TNFAIP2: variants seen among roughly 807,000 people sequenced by gnomAD.
TNFAIP2 encodes TNF alpha induced protein 2, also known as tumor necrosis factor alpha-induced protein 2.
TNFAIP2 carries 47 observed loss-of-function variants against 63.5 expected under a neutral mutation model. The ratio of observed to expected loss-of-function variants is 0.74; its 90% CI spans 0.59 to 0.94. TNFAIP2 has a LOEUF of 0.94. Ranked by LOEUF, TNFAIP2 falls within the 40% of genes least tolerant of loss-of-function variation. The probability of loss-of-function intolerance (pLI) is 0.00; values close to 1 mark genes in which losing one functional copy is unlikely to be tolerated. For synonymous variants in TNFAIP2, 405 were observed against 390.2 expected (o/e 1.04, Z -0.45); for missense variants, 787 against 850.2 (o/e 0.93, Z 0.92).
chr14:103,133,335 C>T (rs1595287342), intron 9 of TNFAIP2, 27 bp from the exon 10 acceptor site: 1 of 1,607,182 alleles, frequency 6.2e-7, no homozygotes, highest in East Asian at 2.2e-5. Flanking sequence ...AGACAGCTCA[C>T]ACGCCCCTGG....
At position 103,127,066 on chromosome 14, in the gene TNFAIP2, G is replaced by T; in HGVS notation, c.297G>T (p.Ala99=). ...TGGAGGCGGCGCGGCCGCTGCTGGC[G>T]CTGGAGCGGGAGCTGGCGGCGGCGG... ...GQLEAARPLL[A]LERELAAAAA... is the part of the protein sequence containing the mutation. The change falls in exon 3 of 12, where the codon GCG becomes GCT. Residue 99 remains alanine, a synonymous_variant. Transcript: ENST00000560869. This position sits in a 1 kb window ranked among gnomAD's most constrained non-coding sequence, Gnocchi z 5.1. 1 of 1,134,600 alleles carries T rather than the reference G, an allele frequency of 8.8e-7. No homozygotes were observed. The highest frequency in any genetic ancestry group is 3.4e-5 in the South Asian group (1 of 29,292). 70.3% of individuals were successfully genotyped at this position (1,134,600 alleles called of 1,614,324 possible).
upstream of TNFAIP2, among the ~76,000 whole-genome samples, chr14:103,121,505 G>A (rs116340637): frequency 5.0e-3 from 764 of 152,382 alleles, 10 homozygotes; most frequent in African/African-American, 0.018. Flanking sequence ...AGAGGGTAAG[G>A]ACTGCTCCTG....
chr14:103,126,299 C>A lies in TNFAIP2; in HGVS notation c.-148-11C>A. ...ATGGTGACCACTGATGCCTTCACCC[C>A]CACCCCGCAGGAGCCTGCAGGCCTG... On this transcript the variant is annotated splice_polypyrimidine_tract_variant and intron_variant, in intron 1 of 11. Transcript: ENST00000560869. The A allele has an allele frequency of 1.7e-6, 1 of 604,276 alleles. No individual in the cohort carries two copies. The highest frequency in any genetic ancestry group is 2.9e-6 in the Non-Finnish European group (1 of 339,204). The allele number at this position is 604,276 out of a possible 1,614,324, so 37.4% of individuals were successfully genotyped here. A position where few individuals can be genotyped will look rare whatever the true frequency, so the allele number is the denominator to read the frequency against.
chr14:103,134,115 A>C (rs2088047022), intron 11 of TNFAIP2, among the ~76,000 whole-genome samples: 1 of 152,238 alleles, frequency 6.6e-6, no homozygotes. Flanking sequence ...GAGACCAGAG[A>C]GGCCAGCTTC....
chr14:103,133,961 C>T lies in TNFAIP2; in HGVS notation c.1823+158C>T, dbSNP rs370682325. ...TCTTGTGGCCTTCACCACAGCACTA[C>T]GAGGACAATACTTCCCATTCCCGTT... is the stretch of plus-strand genomic sequence containing the variant. On this transcript the variant is annotated intron_variant, in intron 11 of 11. Coordinates refer to ENST00000560869, the MANE Select transcript of TNFAIP2 (RefSeq NM_006291.4). Among the ~76,000 whole-genome samples the T allele has an allele frequency of 1.8e-4, 27 of 152,350 alleles. No homozygotes were observed. The South Asian group carries it at 5.0e-3, about 28-fold the overall frequency.
intron 9 of TNFAIP2, 134 bp downstream of exon 9, chr14:103,133,006 A>G: frequency 1.4e-6 from 2 of 1,399,930 alleles, no homozygotes; most frequent in South Asian, 1.3e-5. Flanking sequence ...ATGCACGAGC[A>G]TGTGAACACG....
chr14:103,127,169 G>A lies in TNFAIP2; in HGVS notation c.400G>A (p.Asp134Asn), dbSNP rs1158505022. 1 of 1,120,054 alleles carries A rather than the reference G, an allele frequency of 8.9e-7. No individual in the cohort carries two copies. 69.4% of individuals were successfully genotyped at this position (1,120,054 alleles called of 1,614,324 possible). ...KVEALYELLR[D>N]QVLGVLRRPL... ...GGAGGCGCTGTACGAGCTGCTGCGCGACCAGGTGCTGGGCGTGCTGCGGCG... is the reference window on the plus strand; with the variant it reads ...GGAGGCGCTGTACGAGCTGCTGCGCAACCAGGTGCTGGGCGTGCTGCGGCG... The change falls in exon 3 of 12, where the codon GAC becomes AAC. Residue 134 changes from aspartate (D) to asparagine (N), a missense_variant. Asp to Asn is a conservative substitution (Grantham distance 23). Transcript: ENST00000560869. This position sits in a 1 kb window ranked among gnomAD's most constrained non-coding sequence, Gnocchi z 5.1.
chr14:103,131,704 G>T lies in TNFAIP2; in HGVS notation c.1364G>T (p.Gly455Val). The change falls in exon 8 of 12, where the codon GGT (glycine) becomes GTT (valine). Residue 455 changes from glycine to valine, a missense_variant. Transcript: ENST00000560869. The surrounding 1 kb of genome is among the most constrained non-coding windows in gnomAD (Gnocchi z 4.0). ...CTGAGCCTCCTGCTGGGCCCCCTGG[G>T]TGAGCTCAAGAGCCACGGCTTTGAC... ...DTLSLLLGPL[G>V]ELKSHGFDTL... 1 of 1,610,694 alleles carries T rather than the reference G, an allele frequency of 6.2e-7. No homozygotes were observed. Among genetic ancestry groups the T allele is most frequent in the Non-Finnish European group, 8.5e-7 (1 of 1,179,722 alleles).
intron 3 of TNFAIP2, among the ~76,000 whole-genome samples, chr14:103,129,412 A>G (rs940581639): frequency 6.6e-6 from 1 of 151,160 alleles, no homozygotes; most frequent in Non-Finnish European, 1.5e-5. Flanking sequence ...AGGCTTTTGC[A>G]GTGAGCCAGC....
At position 103,127,033 on chromosome 14, in the gene TNFAIP2, CG is replaced by C; in HGVS notation, c.267del (p.Gln90SerfsTer24). 1 of 1,171,192 alleles carries C rather than the reference CG, an allele frequency of 8.5e-7. No individual in the cohort carries two copies. Among genetic ancestry groups the C allele is most frequent in the Non-Finnish European group, 1.1e-6 (1 of 947,278 alleles). The allele number at this position is 1,171,192 out of a possible 1,614,324, so 72.5% of individuals were successfully genotyped here. On this transcript the variant is annotated frameshift_variant, in exon 3 of 12. Coordinates refer to ENST00000560869, the MANE Select transcript of TNFAIP2 (RefSeq NM_006291.4). LOFTEE classifies it high-confidence loss of function. The surrounding 1 kb of genome is among the most constrained non-coding windows in gnomAD (Gnocchi z 5.1). ...AGGAGCTGAAGGCGGCGCTGGAGCG[CG>C]GGCAGCTGGAGGCGGCGCGGCCGCT... is the stretch of plus-strand genomic sequence containing the variant. ...VEELKAALER[G>X]QLEAARPLLA... is the part of the protein sequence containing the mutation.
rs1156771585 is a variant in TNFAIP2 at position 103,123,796 on chromosome 14, G to T, written c.-304G>T. ...CCAGGTCCGGCGTGACTCCCCGGCC[G>T]GGCGACACAGGCCGAGTCACTTCCT... On this transcript the variant is annotated 5_prime_UTR_variant, in exon 1 of 12. Transcript: ENST00000560869. The T allele has an allele frequency of 6.6e-6, 1 of 152,336 alleles. No homozygotes were observed. The highest frequency in any genetic ancestry group is 2.1e-4 in the South Asian group (1 of 4,836). The allele number at this position is 152,336 out of a possible 1,614,324, so 9.4% of individuals were successfully genotyped here.
chr14:103,133,144 A>ACC (rs1555406417), intron 9 of TNFAIP2, among the ~76,000 whole-genome samples: 1 of 16,514 alleles, frequency 6.1e-5, no homozygotes, highest in Non-Finnish European at 1.2e-4. Context: ...GAGCATGTAA[A>ACC]CACACACATG....
In TNFAIP2 at chr14:103,133,270, C is replaced by T. The variant is rs937964843; in HGVS notation, c.1546-92C>T. The T allele has an allele frequency of 4.2e-5, 63 of 1,489,940 alleles. 1 individual carries two copies. In the South Asian group the frequency reaches 6.6e-4, roughly 16 times the overall value. 92.3% of individuals were successfully genotyped at this position (1,489,940 alleles called of 1,614,324 possible). On this transcript the variant is annotated intron_variant, in intron 9 of 11. Transcript: ENST00000560869. Reference sequence around the variant, plus strand: ...CAGTCTTTTGCTCTGGCATCTGCCTCTCTCTGGAGGCCTGGCTACAAGGCT... The same window carrying T: ...CAGTCTTTTGCTCTGGCATCTGCCTTTCTCTGGAGGCCTGGCTACAAGGCT...
Position 103,135,359 on chromosome 14 carries a change from A to G in TNFAIP2, c.1964A>G (p.Ter655TrpextTer85), listed in dbSNP as rs2088073449. The change falls in exon 12 of 12, where the codon TAG becomes TGG. Residue 655 changes from the stop codon to tryptophan, a stop_lost. Coordinates refer to ENST00000560869, the MANE Select transcript of TNFAIP2 (RefSeq NM_006291.4). This position sits in a 1 kb window ranked among gnomAD's most constrained non-coding sequence, Gnocchi z 7.6. ...RPLFSLIKVG[*>W] ...CTATTTTCCCTTATAAAGGTTGGTT[A>G]GCTTTTCCTGTGGCCTGACCTGCCT... 6.2e-7 allele frequency: 1 copy of G among 1,602,778 alleles called. No individual in the cohort carries two copies. Among genetic ancestry groups the G allele is most frequent in the Non-Finnish European group, 8.5e-7 (1 of 1,174,380 alleles).
At chr14:103,126,851 C>A (rs2087864604) in intron 2 of TNFAIP2, among the ~76,000 whole-genome samples, 154 bp from the exon 3 acceptor site, 1 of 152,222 alleles carries the variant, frequency 6.6e-6, no homozygotes, top group Non-Finnish European at 1.5e-5. Context: ...GGCTGGGAGG[C>A]CTTCAGCCTA....
At chr14:103,132,510 T>C (rs2087997839) in intron 8 of TNFAIP2, among the ~76,000 whole-genome samples, 1 of 152,212 alleles carries the variant, frequency 6.6e-6, no homozygotes, top group South Asian at 2.1e-4. Flanking sequence ...AGACAGGCTC[T>C]CCTGGCTCCT....
In TNFAIP2 at chr14:103,127,372, C is replaced by A. The variant is rs949930349; in HGVS notation, c.603C>A (p.Arg201=). 4 of 1,511,840 alleles carry A rather than the reference C, an allele frequency of 2.6e-6. No individual in the cohort carries two copies. The African/African-American group carries it at 5.6e-5, about 21-fold the overall frequency. The allele number at this position is 1,511,840 out of a possible 1,614,324, so 93.7% of individuals were successfully genotyped here. A position where few individuals can be genotyped will look rare whatever the true frequency, so the allele number is the denominator to read the frequency against. ...RRGVAEAAEE[R]MGQRPAAGAE... Reference sequence around the variant, plus strand: ...GCGTGGCGGAGGCGGCCGAGGAGCGCATGGGCCAGCGGCCGGCCGCGGGCG... The same window carrying A: ...GCGTGGCGGAGGCGGCCGAGGAGCGAATGGGCCAGCGGCCGGCCGCGGGCG... Residue 201 remains arginine (R), a synonymous_variant, in exon 3 of 12, where the codon CGC becomes CGA. Coordinates refer to ENST00000560869, the MANE Select transcript of TNFAIP2 (RefSeq NM_006291.4). This position sits in a 1 kb window ranked among gnomAD's most constrained non-coding sequence, Gnocchi z 5.1.
intron 3 of TNFAIP2, among the ~76,000 whole-genome samples, chr14:103,128,825 A>C (rs1296169475): frequency 6.6e-6 from 1 of 152,176 alleles, no homozygotes; most frequent in Middle Eastern, 3.2e-3. Flanking sequence ...CCTGCCTGCC[A>C]GTCTTTCTGT....
chr14:103,124,389 G>A (rs1457970683), intron 1 of TNFAIP2: 2 of 152,452 alleles, frequency 1.3e-5, no homozygotes, highest in Non-Finnish European at 2.9e-5. Context: ...CTCGGAGAGC[G>A]GAGACCTGGG....
Sources: gnomAD v4.1 joint callset for allele counts (sites outside exome capture counted in the v4.1 genomes callset) on GRCh38, gnomAD v4.1.1 for gene constraint, Gnocchi (gnomAD v3.1) non-coding constraint, MANE v1.5 for transcripts, NCBI Gene and HGNC (gene_info 2026-07-23, HGNC 2026-07-21) for gene names.